VSIG4: variants seen among roughly 807,000 people sequenced by gnomAD.
VSIG4 encodes the protein V-set and immunoglobulin domain containing 4, also known as V-set and immunoglobulin domain-containing protein 4.
Under a neutral mutation model 23.4 loss-of-function variants are expected in VSIG4, and 34 were observed. That is an observed-to-expected ratio of 1.45 (90% CI 1.10 to 1.93). The LOEUF (loss-of-function observed/expected upper bound fraction) is 1.93. Ranked by LOEUF, VSIG4 falls within the 30% of genes most tolerant of loss-of-function variation. VSIG4 has a pLI of 0.00. For synonymous variants in VSIG4, 169 were observed against 120.3 expected, an observed-to-expected ratio of 1.41 and a Z score of -2.65; for missense variants, 433 against 310.8, an observed-to-expected ratio of 1.39 and a Z score of -2.96.
chrX:66,028,160 A>G, intron 3 of VSIG4, 48 bp from the exon 4 acceptor site: 1 of 1,082,931 alleles, frequency 9.2e-7, no homozygotes, highest in South Asian at 1.9e-5. Flanking sequence ...CCCTTTGGTG[A>G]ATAGTTTAAT....
rs1050847414 is a variant in VSIG4, at chrX:66,027,522, T to C, written c.762A>G (p.Thr254=). 4.2e-6 allele frequency: 5 copies of C among 1,189,203 alleles called. No homozygotes were observed. In the African/African-American group the frequency reaches 7.0e-5, roughly 17 times the overall value. Residue 254 remains threonine (T), a synonymous_variant, in exon 5 of 8, where the codon ACA becomes ACG. Coordinates refer to ENST00000374737, the MANE Select transcript of VSIG4 (RefSeq NM_007268.3). ...PTTMTYPLKA[T]STVKQSWDWT... Reference sequence around the variant, plus strand: ...AGTCCCAGGACTGCTTCACTGTAGATGTTGCTATGAATATAGAGAATAGGG... The same window carrying C: ...AGTCCCAGGACTGCTTCACTGTAGACGTTGCTATGAATATAGAGAATAGGG...
chrX:66,037,513 AATAAT>A (rs1178461626), intron 1 of VSIG4, among the ~76,000 whole-genome samples: 21 of 67,294 alleles, frequency 3.1e-4, no homozygotes, highest in South Asian at 6.7e-4. Context: ...ATTATATAAT[AATAAT>A]ATAATATAAT....
At chrX:66,036,408 G>A (rs1025879418) in intron 1 of VSIG4, among the ~76,000 whole-genome samples, 1 of 104,668 alleles carries the variant, frequency 9.6e-6, no homozygotes, top group East Asian at 2.9e-4. Context: ...CTAGAATCAA[G>A]TAGGAGCCCC....
intron 1 of VSIG4, 47 bp downstream of exon 1, chrX:66,039,897 T>C: frequency 8.3e-7 from 1 of 1,200,939 alleles, no homozygotes; most frequent in Non-Finnish European, 1.1e-6. Flanking sequence ...CCCTCTAGCC[T>C]TTTGCCTAAG....
Position 66,033,819 on chromosome X carries a change from G to A in VSIG4, c.67C>T (p.Leu23=). ...CCTGTTACACTCTCTGGCACTTCCAGGATGGGACGGCCTGAAGAGGCGGAA... is the reference window on the plus strand; with the variant it reads ...CCTGTTACACTCTCTGGCACTTCCAAGATGGGACGGCCTGAAGAGGCGGAA... ...LTVDTYGRPI[L]EVPESVTGPW... Residue 23 remains leucine (L), a synonymous_variant, in exon 2 of 8, where the codon CTG becomes TTG. Transcript: ENST00000374737. 8.3e-7 allele frequency: 1 copy of A among 1,203,901 alleles called. No individual in the cohort carries two copies. Among genetic ancestry groups the A allele is most frequent in the Non-Finnish European group, 1.1e-6 (1 of 890,891 alleles).
chrX:66,025,106 T>C lies in VSIG4; in HGVS notation c.859A>G (p.Ile287Val). The change falls in exon 6 of 8, where the codon ATC (isoleucine) becomes GTC (valine). Residue 287 changes from isoleucine (I) to valine (V), a missense_variant. Physicochemically the swap from Ile to Val is conservative, Grantham distance 29 (BLOSUM62 3). Transcript: ENST00000374737. Reference sequence around the variant, plus strand: ...CAGCACAAGGAGATGATGAGGATGATGGCAAAGACAGGCAGGCTCTTTCCT... The same window carrying C: ...CAGCACAAGGAGATGATGAGGATGACGGCAAAGACAGGCAGGCTCTTTCCT... Reference protein sequence around the residue: ...GPGKSLPVFAIILIISLCCMV... With the variant: ...GPGKSLPVFAVILIISLCCMV... The C allele has an allele frequency of 1.7e-6, 2 of 1,201,482 alleles. No homozygotes were observed. Among genetic ancestry groups the C allele is most frequent in the Non-Finnish European group, 2.2e-6 (2 of 890,291 alleles).
Position 66,022,856 on chromosome X carries a change from A to G in VSIG4, c.947T>C (p.Val316Ala), listed in dbSNP as rs781575068. 6.6e-5 allele frequency: 80 copies of G among 1,210,118 alleles called. 1 individual carries two copies. In the East Asian group the frequency reaches 2.3e-3, roughly 35 times the overall value. ...LCRKTSQQEH[V>A]YEAARAHARE... is the part of the protein sequence containing the mutation. ...ACTTTCTTACCTGGCTGCTTCGTAG[A>G]CATGCTCTAGAAAAAAAGGAGGAAT... is the stretch of plus-strand genomic sequence containing the variant. Residue 316 changes from valine to alanine, a missense_variant, in exon 7 of 8, where the codon GTC (valine) becomes GCC (alanine). Val to Ala is a moderately conservative substitution (Grantham distance 64). Coordinates refer to ENST00000374737, the MANE Select transcript of VSIG4 (RefSeq NM_007268.3).
intron 3 of VSIG4, among the ~76,000 whole-genome samples, chrX:66,030,840 G>A (rs778484487): frequency 5.1e-4 from 57 of 111,509 alleles, no homozygotes; most frequent in Middle Eastern, 4.6e-3. Flanking sequence ...TGTTTTGTTC[G>A]TCAGCAAAGC....
Position 66,033,954 on chromosome X carries a change from T to A in VSIG4, c.56-124A>T, listed in dbSNP as rs9919094. The A allele has an allele frequency of 3.3e-5, 18 of 538,558 alleles. No homozygotes were observed. In the East Asian group the frequency reaches 5.2e-4, roughly 15 times the overall value. The allele number at this position is 538,558 out of a possible 1,213,427, so 44.4% of individuals were successfully genotyped here. A position where few individuals can be genotyped will look rare whatever the true frequency, so the allele number is the denominator to read the frequency against. The stretch of plus-strand genomic sequence containing the variant: ...CCACTCAACTTTCTTTCTATCACAC[T>A]TTTGTGTACCTGTGCCCTTTTGCTC... On this transcript the variant is annotated intron_variant, in intron 1 of 7. Coordinates refer to ENST00000374737, the MANE Select transcript of VSIG4 (RefSeq NM_007268.3).
chrX:66,033,847 G>C lies in VSIG4; in HGVS notation c.56-17C>G. On this transcript the variant is annotated splice_polypyrimidine_tract_variant and intron_variant, in intron 1 of 7. Coordinates refer to ENST00000374737, the MANE Select transcript of VSIG4 (RefSeq NM_007268.3). The stretch of plus-strand genomic sequence containing the variant: ...TGGGACGGCCTGAAGAGGCGGAACA[G>C]AGGAAAGAAGCAAACGTAGATGGCA... 5.2e-6 allele frequency: 6 copies of C among 1,160,264 alleles called. No homozygotes were observed. The highest frequency in any genetic ancestry group is 7.0e-6 in the Non-Finnish European group (6 of 859,805).
intron 1 of VSIG4, 24 bp from the exon 2 acceptor site, chrX:66,033,854 G>C (rs186354484): frequency 1.1e-4 from 124 of 1,146,623 alleles, no homozygotes; most frequent in Non-Finnish European, 1.3e-4. Context: ...ACAGAGGAAA[G>C]AAGCAAACGT....
intron 5 of VSIG4, among the ~76,000 whole-genome samples, chrX:66,026,883 T>C (rs1364984106): frequency 1.8e-5 from 2 of 111,631 alleles, no homozygotes; most frequent in African/African-American, 6.5e-5. Flanking sequence ...GGGGAGCAGC[T>C]AATTATCAAT....
At chrX:66,026,345 C>T (rs1015480156) in intron 5 of VSIG4, among the ~76,000 whole-genome samples, 1 of 111,750 alleles carries the variant, frequency 8.9e-6, no homozygotes, top group Non-Finnish European at 1.9e-5. Context: ...TGGTACAAAT[C>T]GAAGAAATAT....
rs2085411429 is a variant in VSIG4, at chrX:66,027,880, T to A, written c.757+170A>T. Among the ~76,000 whole-genome samples, 3 of 112,479 alleles carry A rather than the reference T, an allele frequency of 2.7e-5. No homozygotes were observed. The South Asian group carries it at 1.1e-3, about 41-fold the overall frequency. On this transcript the variant is annotated intron_variant, in intron 4 of 7. Coordinates refer to ENST00000374737, the MANE Select transcript of VSIG4 (RefSeq NM_007268.3). Reference sequence around the variant, plus strand: ...CAGAAGTTTTCACAAAAAAAGAGTATATATTCATCATTGTTACCTTTCTTT... The same window carrying A: ...CAGAAGTTTTCACAAAAAAAGAGTAAATATTCATCATTGTTACCTTTCTTT...
At chrX:66,035,294 A>G (rs2085523073) in intron 1 of VSIG4, among the ~76,000 whole-genome samples, 1 of 112,179 alleles carries the variant, frequency 8.9e-6, no homozygotes, top group South Asian at 3.7e-4. Flanking sequence ...ATGGGAATAC[A>G]AGAGGGGCAG....
chrX:66,038,197 C>A (rs1234069430), intron 1 of VSIG4, among the ~76,000 whole-genome samples: 1 of 111,713 alleles, frequency 9.0e-6, no homozygotes, highest in African/African-American at 3.3e-5. Flanking sequence ...AGGCTAGCAG[C>A]TTACTCTGGC....
In VSIG4 at chrX:66,032,583, T is replaced by C; in HGVS notation, c.579A>G (p.Leu193=). ...CCGCAGGCTTGAAGAGTAAGGTACTTAGGGTTGCTACTTTGATGGGTTCCT... is the reference window on the plus strand; with the variant it reads ...CCGCAGGCTTGAAGAGTAAGGTACTCAGGGTTGCTACTTTGATGGGTTCCT... ...NNQEPIKVAT[L]STLLFKPAVI... is the part of the protein sequence containing the mutation. The change falls in exon 3 of 8, where the codon CTA becomes CTG. Residue 193 remains leucine (L), a synonymous_variant. Transcript: ENST00000374737. 8.3e-7 allele frequency: 1 copy of C among 1,211,516 alleles called. No individual in the cohort carries two copies. Among genetic ancestry groups the C allele is most frequent in the Non-Finnish European group, 1.1e-6 (1 of 895,388 alleles).
At chrX:66,037,301 A>T (rs1463711269) in intron 1 of VSIG4, among the ~76,000 whole-genome samples, 3 of 23,831 alleles carry the variant, frequency 1.3e-4, no homozygotes, top group Non-Finnish European at 1.7e-4. Context: ...TATATTATAT[A>T]ATAATATAAT....
At chrX:66,023,271 A>T (rs888457748) in intron 6 of VSIG4, among the ~76,000 whole-genome samples, 1 of 110,553 alleles carries the variant, frequency 9.0e-6, no homozygotes, top group African/African-American at 3.3e-5. Flanking sequence ...CCTGATGCTG[A>T]TGGCCGTGAC....
Sources: gnomAD v4.1 joint callset for allele counts (sites outside exome capture counted in the v4.1 genomes callset) on GRCh38, gnomAD v4.1.1 for gene constraint, MANE v1.5 for transcripts, NCBI Gene and HGNC (gene_info 2026-07-23, HGNC 2026-07-21) for gene names.